The following CRACD variants were observed in gnomAD, a reference collection of about 807,000 sequenced individuals.
CRACD encodes the protein capping protein-inhibiting regulator of actin dynamics.
CRACD carries 56 observed loss-of-function variants against 106.8 expected under a neutral mutation model. That is an observed-to-expected ratio of 0.52 (90% CI 0.42 to 0.66). The LOEUF (loss-of-function observed/expected upper bound fraction) is 0.66. Ranked by LOEUF, CRACD falls within the 30% of genes least tolerant of loss-of-function variation. The pLI is 0.00. For synonymous variants in CRACD, 754 were observed against 670.8 expected, an observed-to-expected ratio of 1.12 and a Z score of -1.92; for missense variants, 1,730 against 1,623.2, an observed-to-expected ratio of 1.07 and a Z score of -1.13.
chr4:56,064,198 A>G (rs1425987814), intron 1 of CRACD, among the ~76,000 whole-genome samples: 3 of 152,022 alleles, frequency 2.0e-5, no homozygotes, highest in Admixed American at 1.3e-4. Context: ...GGGGTTGTTT[A>G]TTTGTTGTCG....
rs1454906275 is a variant in CRACD at position 56,315,426 on chromosome 4, C to G, written c.1924C>G (p.Pro642Ala). The change falls in exon 8 of 11, where the codon CCC becomes GCC. Residue 642 changes from proline (P) to alanine (A), a missense_variant. Coordinates refer to ENST00000682029, the MANE Select transcript of CRACD (RefSeq NM_001393381.1). The surrounding 1 kb of genome is among the most constrained non-coding windows in gnomAD (Gnocchi z 4.1). ...AGCTGGGGAGAACCCTCCCCGAGGC[C>G]CCGGCGACGCGAGGGCGGGCAGCGG... is the stretch of plus-strand genomic sequence containing the variant. ...APAGENPPRG[P>A]GDARAGSGKA... 6 of 1,612,658 alleles carry G rather than the reference C, an allele frequency of 3.7e-6. No homozygotes were observed. The highest frequency in any genetic ancestry group is 2.2e-5 in the East Asian group (1 of 44,812).
In CRACD at chr4:56,162,372, T is replaced by G. The variant is rs558822428; in HGVS notation, c.-335-16912T>G. Among the ~76,000 whole-genome samples the G allele has an allele frequency of 2.6e-5, 4 of 151,894 alleles. No individual in the cohort carries two copies. In the South Asian group the frequency reaches 6.3e-4, roughly 24 times the overall value. On this transcript the variant is annotated intron_variant, in intron 1 of 10. Transcript: ENST00000682029. ...ACCATGCCCCTGCTAATTCTTGTGG[T>G]TTTTTTGTTTTTGTTTTAAGAAATA...
intron 1 of CRACD, among the ~76,000 whole-genome samples, chr4:56,078,733 A>G (rs933887145): frequency 1.2e-4 from 18 of 152,048 alleles, no homozygotes; most frequent in African/African-American, 4.1e-4. Context: ...TCATAAACAG[A>G]CTCCAAGTTT....
chr4:56,142,193 T>A (rs961181865), intron 1 of CRACD, among the ~76,000 whole-genome samples: 1 of 152,216 alleles, frequency 6.6e-6, no homozygotes, highest in Non-Finnish European at 1.5e-5. Flanking sequence ...TTATCCTACA[T>A]TGATTATTTT....
chr4:56,302,505 G>C (rs926223766), intron 4 of CRACD, among the ~76,000 whole-genome samples: 1 of 152,176 alleles, frequency 6.6e-6, no homozygotes, highest in Non-Finnish European at 1.5e-5. Context: ...ATCTCCCACC[G>C]AGCTGGATTT....
chr4:56,316,788 A>G, intron 8 of CRACD, 99 bp downstream of exon 8: 16 of 1,383,638 alleles, frequency 1.2e-5, no homozygotes, highest in Non-Finnish European at 1.6e-5. Context: ...TAATTTACCA[A>G]CAATACAGAT....
In CRACD at chr4:56,310,674, T is replaced by TA; in HGVS notation, c.295dup (p.Thr99AsnfsTer16). ...CTCTCTTACTGTTCCAGTCCAGTGA[T>TA]ACGCCAAGTTCTCTAAGTCCTCTGA... On this transcript the variant is annotated frameshift_variant, in exon 6 of 11. Coordinates refer to ENST00000682029, the MANE Select transcript of CRACD (RefSeq NM_001393381.1). LOFTEE classifies it high-confidence loss of function. 1 of 1,609,830 alleles carries TA rather than the reference T, an allele frequency of 6.2e-7. No individual in the cohort carries two copies. Among genetic ancestry groups the TA allele is most frequent in the Non-Finnish European group, 8.5e-7 (1 of 1,176,078 alleles).
chr4:56,265,617 A>G (rs1741973328), intron 2 of CRACD, among the ~76,000 whole-genome samples: 1 of 152,214 alleles, frequency 6.6e-6, no homozygotes, highest in African/African-American at 2.4e-5. Context: ...GAAGCCCTGC[A>G]TATCCTCTGC....
chr4:56,261,782 G>A (rs971753731), intron 2 of CRACD, among the ~76,000 whole-genome samples: 1 of 152,204 alleles, frequency 6.6e-6, no homozygotes, highest in Admixed American at 6.5e-5. Context: ...AGGTGGGGGA[G>A]GAGAGGATAA....
chr4:56,077,618 G>A (rs1241601857), intron 1 of CRACD, among the ~76,000 whole-genome samples: 1 of 152,154 alleles, frequency 6.6e-6, no homozygotes, highest in African/African-American at 2.4e-5. Flanking sequence ...AATAGATAAT[G>A]TTTTTGATAT....
chr4:56,158,113 C>A (rs1358591578), intron 1 of CRACD, among the ~76,000 whole-genome samples: 4 of 152,190 alleles, frequency 2.6e-5, no homozygotes, highest in Non-Finnish European at 5.9e-5. Flanking sequence ...TTCTTGCAAT[C>A]CTAAAACAAC....
intron 8 of CRACD, chr4:56,320,872 A>G (rs555573270): frequency 7.1e-4 from 121 of 170,310 alleles, no homozygotes; most frequent in African/African-American, 2.6e-3. Flanking sequence ...TCCCAAAGCA[A>G]CCTCTACTTT....
At chr4:56,058,532 G>A (rs1044842180) in intron 1 of CRACD, among the ~76,000 whole-genome samples, 2 of 152,180 alleles carry the variant, frequency 1.3e-5, no homozygotes, top group South Asian at 2.1e-4. Flanking sequence ...TGCTCCTGAC[G>A]TTCCAGTCTG....
At chr4:56,194,689 CA>C (rs1226795825) in intron 2 of CRACD, among the ~76,000 whole-genome samples, 2 of 152,170 alleles carry the variant, frequency 1.3e-5, no homozygotes, top group Non-Finnish European at 2.9e-5. Context: ...ATCTAAGAAC[CA>C]GAAATTGGAC....
intron 1 of CRACD, among the ~76,000 whole-genome samples, chr4:56,125,732 A>T (rs1231286327): frequency 1.4e-5 from 2 of 143,022 alleles, no homozygotes; most frequent in Non-Finnish European, 3.1e-5. Context: ...TAAAATTTTT[A>T]ATGTTTATAA....
At chr4:56,071,510 CT>C (rs5858361) in intron 1 of CRACD, among the ~76,000 whole-genome samples, 6,628 of 142,026 alleles carry the variant, frequency 0.047, 151 homozygotes, top group Admixed American at 0.073. Flanking sequence ...TCTTTCTTTT[CT>C]TTTTTTTTTT....
intron 2 of CRACD, among the ~76,000 whole-genome samples, chr4:56,198,904 A>T (rs1042909448): frequency 4.6e-5 from 7 of 152,196 alleles, no homozygotes; most frequent in African/African-American, 7.2e-5. Context: ...CTGAGGAGCC[A>T]TCGATTATGT....
intron 2 of CRACD, among the ~76,000 whole-genome samples, chr4:56,192,755 A>G (rs1236041548): frequency 6.6e-6 from 1 of 152,220 alleles, no homozygotes; most frequent in Admixed American, 6.5e-5. Flanking sequence ...TTTTAAGTAG[A>G]ATGAGAAGAC....
chr4:56,298,166 A>C, intron 3 of CRACD, 48 bp from the exon 4 acceptor site: 13 of 1,583,878 alleles, frequency 8.2e-6, no homozygotes, highest in Non-Finnish European at 1.1e-5. Context: ...CTGAATTGCC[A>C]AAAGAAATTT....
Sources: gnomAD v4.1 joint callset for allele counts (sites outside exome capture counted in the v4.1 genomes callset) on GRCh38, gnomAD v4.1.1 for gene constraint, Gnocchi (gnomAD v3.1) non-coding constraint, MANE v1.5 for transcripts, NCBI Gene and HGNC (gene_info 2026-07-23, HGNC 2026-07-21) for gene names.